SCUBE1: variants seen among roughly 807,000 people sequenced by gnomAD.
SCUBE1 encodes the protein signal peptide, CUB domain and EGF like domain containing 1, also known as signal peptide, CUB and EGF-like domain-containing protein 1.
In SCUBE1, 59 loss-of-function variants were observed where a neutral mutation model predicts 124.4. The ratio of observed to expected loss-of-function variants is 0.47; its 90% CI spans 0.38 to 0.59. The LOEUF is 0.59. Among genes scored for constraint, SCUBE1 ranks in the 20% least tolerant of loss-of-function variants. The pLI, the probability that SCUBE1 is intolerant of heterozygous loss-of-function variation, is 0.00. For missense variants in SCUBE1, 1,150 were observed against 1,371.2 expected (o/e 0.84, Z 2.55); for synonymous variants, 545 against 550.9 (o/e 0.99, Z 0.15).
At chr22:43,214,046 C>CCCCCCCCCCCCCCCCCCCCCCCCCCCCCT in intron 16 of SCUBE1, 44 bp downstream of exon 16, 1 of 422,702 alleles carries the variant, frequency 2.4e-6, no homozygotes, top group Non-Finnish European at 4.1e-6. Context: ...GAGGAGCCCC[C>CCCCCCCCCCCCCCCCCCCCCCCCCCCCCT]GCCCACCCCC....
intron 7 of SCUBE1, among the ~76,000 whole-genome samples, chr22:43,235,730 C>T (rs113834836): frequency 0.02 from 3,077 of 152,306 alleles, 53 homozygotes; most frequent in Non-Finnish European, 0.032. Flanking sequence ...CAGCTACAGT[C>T]ACTTTCCCAT....
chr22:43,323,047 A>G (rs1225271499), intron 2 of SCUBE1, among the ~76,000 whole-genome samples: 1 of 152,194 alleles, frequency 6.6e-6, no homozygotes. Flanking sequence ...CAGTCTAGGA[A>G]GCCCACGTCC....
intron 6 of SCUBE1, among the ~76,000 whole-genome samples, chr22:43,248,981 A>C (rs930578922): frequency 6.6e-6 from 1 of 152,104 alleles, no homozygotes; most frequent in African/African-American, 2.4e-5. Flanking sequence ...GGGGGGCACC[A>C]AGCTGGAAAA....
rs1056252584 is a variant in SCUBE1 at position 43,273,561 on chromosome 22, CTTTT to C, written c.485-10720_485-10717del. Among the ~76,000 whole-genome samples the C allele has an allele frequency of 5.3e-3, 321 of 60,978 alleles. 6 individuals are homozygous for C. The South Asian group carries it at 0.074, about 14-fold the overall frequency. 40.0% of individuals were successfully genotyped at this position (60,978 alleles called of 152,430 possible). On this transcript the variant is annotated intron_variant, in intron 4 of 21. Coordinates refer to ENST00000360835, the MANE Select transcript of SCUBE1 (RefSeq NM_173050.5). ...TATAAAGTGGGGAGACTAAAACCCT[CTTTT>C]TTTTTTTTTTTTTTTTTTTTGAGAC... is the stretch of plus-strand genomic sequence containing the variant.
rs555344731 is a variant in SCUBE1, at chr22:43,277,025, C to T, written c.484+14021G>A. ...CATATCCTCACTTGGGGGAGAAAGGCCCGGGAGCAGAGACATGAGAGACAG... is the reference window on the plus strand; with the variant it reads ...CATATCCTCACTTGGGGGAGAAAGGTCCGGGAGCAGAGACATGAGAGACAG... On this transcript the variant is annotated intron_variant, in intron 4 of 21. Coordinates refer to ENST00000360835, the MANE Select transcript of SCUBE1 (RefSeq NM_173050.5). 7.9e-5 allele frequency among the ~76,000 whole-genome samples: 12 copies of T among 152,204 alleles called. No homozygotes were observed. In the East Asian group the frequency reaches 2.1e-3, roughly 27 times the overall value.
At position 43,343,187 on chromosome 22, in the gene SCUBE1, G is replaced by A; in HGVS notation, c.75C>T (p.Gly25=). ...ALGTRGRLAG[G]SGLPGSVDVD... ...TCGGGGGCTTACCTGGGAGCCCGCT[G>A]CCCCCGGCCAGCCGCCCGCGTGTGC... The change falls in exon 1 of 22, where the codon GGC becomes GGT. Residue 25 remains glycine, a synonymous_variant. Coordinates refer to ENST00000360835, the MANE Select transcript of SCUBE1 (RefSeq NM_173050.5). The A allele has an allele frequency of 8.4e-7, 1 of 1,186,890 alleles. No individual in the cohort carries two copies. The highest frequency in any genetic ancestry group is 1.0e-6 in the Non-Finnish European group (1 of 958,474). 73.5% of individuals were successfully genotyped at this position (1,186,890 alleles called of 1,614,324 possible).
intron 2 of SCUBE1, among the ~76,000 whole-genome samples, chr22:43,325,059 G>C (rs573438196): frequency 6.6e-6 from 1 of 151,238 alleles, no homozygotes; most frequent in African/African-American, 2.4e-5. Flanking sequence ...ACAGACACGC[G>C]GAGAGAAGGC....
chr22:43,238,901 T>A lies in SCUBE1; in HGVS notation c.781A>T (p.Thr261Ser). The A allele has an allele frequency of 1.9e-6, 3 of 1,613,182 alleles. No individual in the cohort carries two copies. Among genetic ancestry groups the A allele is most frequent in the Non-Finnish European group, 2.5e-6 (3 of 1,180,032 alleles). The change falls in exon 7 of 22, where the codon ACT (threonine) becomes TCT (serine). Residue 261 changes from threonine to serine, a missense_variant. Around this residue, in one of 3 missense-constraint regions of SCUBE1, gnomAD observed 337 missense variants for 482.1 expected, o/e 0.70. Coordinates refer to ENST00000360835, the MANE Select transcript of SCUBE1 (RefSeq NM_173050.5). ...ACGGGGCAGCTGCATCGCACGCCAG[T>A]GGCTGTGTCCTTGCATGTCCGGTCG... ...GCDRTCKDTA[T>S]GVRCSCPVGF...
At chr22:43,249,237 C>T (rs747099922) in intron 6 of SCUBE1, among the ~76,000 whole-genome samples, 2 of 146,908 alleles carry the variant, frequency 1.4e-5, no homozygotes, top group South Asian at 4.3e-4. Context: ...GGGACTGGGA[C>T]ATAGATTGGT....
intron 6 of SCUBE1, among the ~76,000 whole-genome samples, chr22:43,256,724 A>C (rs1923674620): frequency 6.6e-6 from 1 of 152,230 alleles, no homozygotes; most frequent in African/African-American, 2.4e-5. Context: ...CGGGCCACAG[A>C]GCTGGCTCCA....
chr22:43,326,400 G>T (rs184618140), intron 2 of SCUBE1, among the ~76,000 whole-genome samples: 2 of 152,200 alleles, frequency 1.3e-5, no homozygotes, highest in East Asian at 3.9e-4. Context: ...TCTTAATCCG[G>T]TTTGTTGGCT....
intron 21 of SCUBE1, among the ~76,000 whole-genome samples, chr22:43,206,260 C>G (rs1447940394): frequency 6.7e-6 from 1 of 149,618 alleles, no homozygotes; most frequent in East Asian, 2.0e-4. Context: ...CCCTACATAC[C>G]CCTACATACA....
chr22:43,252,585 C>A (rs983048725), intron 6 of SCUBE1, among the ~76,000 whole-genome samples: 21 of 152,200 alleles, frequency 1.4e-4, no homozygotes, highest in African/African-American at 5.1e-4. Flanking sequence ...CCTGTCCTAC[C>A]CTTCTCCCCT....
At chr22:43,252,599 G>C (rs560983192) in intron 6 of SCUBE1, among the ~76,000 whole-genome samples, 1 of 152,094 alleles carries the variant, frequency 6.6e-6, no homozygotes, top group South Asian at 2.1e-4. Flanking sequence ...CTCCCCTCCC[G>C]GAACCCCGAA....
intron 3 of SCUBE1, among the ~76,000 whole-genome samples, chr22:43,292,061 C>T (rs1925381712): frequency 6.6e-6 from 1 of 152,172 alleles, no homozygotes; most frequent in African/African-American, 2.4e-5. Flanking sequence ...CCAGCTGCAA[C>T]CCCACGAGCC....
At chr22:43,265,074 C>T (rs5751462) in intron 4 of SCUBE1, among the ~76,000 whole-genome samples, 25,492 of 152,212 alleles carry the variant, frequency 0.17, 2,533 homozygotes, top group East Asian at 0.35. Context: ...ATTTCCATTC[C>T]CAGCCAAAGA....
chr22:43,217,613 G>GC (rs1921892618), intron 15 of SCUBE1, among the ~76,000 whole-genome samples: 1 of 152,230 alleles, frequency 6.6e-6, no homozygotes, highest in African/African-American at 2.4e-5. Context: ...TGTCTGCCAG[G>GC]CCCCATCACC....
intron 3 of SCUBE1, among the ~76,000 whole-genome samples, chr22:43,302,375 G>A (rs1362878160): frequency 2.0e-5 from 3 of 152,344 alleles, no homozygotes; most frequent in Admixed American, 2.0e-4. Context: ...AGTGAGTGGA[G>A]AGGGAAGCGG....
chr22:43,206,588 C>G (rs994638648), intron 21 of SCUBE1, among the ~76,000 whole-genome samples: 1 of 152,084 alleles, frequency 6.6e-6, no homozygotes, highest in Non-Finnish European at 1.5e-5. Flanking sequence ...TCCGGGCAGG[C>G]CGCCCAGAGT....
Sources: allele counts gnomAD v4.1 joint callset (sites outside exome capture counted in the v4.1 genomes callset), GRCh38; gene constraint gnomAD v4.1.1; regional missense constraint gnomAD v4.1.1; transcripts MANE v1.5; gene names NCBI Gene and HGNC (gene_info 2026-07-23, HGNC 2026-07-21).